VAPA: variants seen among roughly 807,000 people sequenced by gnomAD.
The protein encoded by VAPA is vesicle-associated membrane protein-associated protein A.
A neutral mutation model predicts 25.6 loss-of-function variants in VAPA; 6 were observed. That is an observed-to-expected ratio of 0.23 (90% CI 0.13 to 0.46). The LOEUF is 0.46. Ranked by LOEUF, VAPA falls within the 20% of genes least tolerant of loss-of-function variation. The pLI, the probability that VAPA is intolerant of heterozygous loss-of-function variation, is 0.99. For synonymous variants in VAPA, 112 were observed against 106.2 expected (o/e 1.05, Z -0.34); for missense variants, 244 against 302.1 (o/e 0.81, Z 1.43).
Position 9,914,147 on chromosome 18 carries a change from C to A in VAPA, c.-110C>A. On this transcript the variant is annotated 5_prime_UTR_variant, in exon 1 of 6. Transcript: ENST00000400000. ...GGCAGGCGTTAGGGCTCGGGAGCCG[C>A]GAGCCTGGCCTCGTCCTAGAGCTCG... 1 of 952,134 alleles carries A rather than the reference C, an allele frequency of 1.1e-6. No homozygotes were observed. The highest frequency in any genetic ancestry group is 1.5e-6 in the Non-Finnish European group (1 of 665,530). 59.0% of individuals were successfully genotyped at this position (952,134 alleles called of 1,614,324 possible). A position where few individuals can be genotyped will look rare whatever the true frequency, so the allele number is the denominator to read the frequency against.
intron 1 of VAPA, chr18:9,924,071 T>C (rs1373775182): frequency 1.3e-5 from 2 of 152,336 alleles, no homozygotes; most frequent in Non-Finnish European, 2.9e-5. Context: ...ATAAACTTTT[T>C]ATAGCTATGC....
At chr18:9,925,342 GGCTT>G (rs1261180531) in intron 1 of VAPA, among the ~76,000 whole-genome samples, 1 of 151,766 alleles carries the variant, frequency 6.6e-6, no homozygotes, top group Non-Finnish European at 1.5e-5. Context: ...AGCCCTTAGA[GGCTT>G]AAATAAAATA....
At chr18:9,933,527 T>C (rs548794366) in intron 2 of VAPA, among the ~76,000 whole-genome samples, 1 of 152,298 alleles carries the variant, frequency 6.6e-6, no homozygotes, top group African/African-American at 2.4e-5. Flanking sequence ...TTTAGCACAA[T>C]TGGAAGAAGA....
chr18:9,925,229 A>G (rs17732935), intron 1 of VAPA, among the ~76,000 whole-genome samples: 1,666 of 152,280 alleles, frequency 0.011, 53 homozygotes, highest in Admixed American at 0.063. Context: ...TGTTGATTGT[A>G]TAGTATGGAT....
At position 9,914,467 on chromosome 18, in the gene VAPA, C is replaced by T. The variant is rs989852493; in HGVS notation, c.79+132C>T. On this transcript the variant is annotated intron_variant, in intron 1 of 5. Coordinates refer to ENST00000400000, the MANE Select transcript of VAPA (RefSeq NM_194434.3). Reference sequence around the variant, plus strand: ...CCCTCCCCCACGCCCCGGCGCCTTCCCTTTCCCGGCTGCTTTCTTGCCGCC... The same window carrying T: ...CCCTCCCCCACGCCCCGGCGCCTTCTCTTTCCCGGCTGCTTTCTTGCCGCC... 1.9e-5 allele frequency: 14 copies of T among 721,726 alleles called. No homozygotes were observed. In the South Asian group the frequency reaches 3.4e-4, roughly 18 times the overall value. The allele number at this position is 721,726 out of a possible 1,614,324, so 44.7% of individuals were successfully genotyped here.
At chr18:9,928,182 C>T (rs548231279) in intron 1 of VAPA, among the ~76,000 whole-genome samples, 14 of 152,040 alleles carry the variant, frequency 9.2e-5, no homozygotes, top group Non-Finnish European at 1.8e-4. Flanking sequence ...TTTTAGAAAT[C>T]CTCTAAACCT....
At chr18:9,943,523 A>G (rs1298617037) in intron 4 of VAPA, among the ~76,000 whole-genome samples, 1 of 152,192 alleles carries the variant, frequency 6.6e-6, no homozygotes, top group African/African-American at 2.4e-5. Flanking sequence ...ACTGAAAGCC[A>G]TTGAGCCTGT....
In VAPA at chr18:9,956,190, C is replaced by T. The variant is rs1484291915; in HGVS notation, c.*1979C>T. ...TTACGAAGGTTAAGAGAACTTTCCC[C>T]GTGTCTCACAGGTAGGTAGAGGCAG... is the stretch of plus-strand genomic sequence containing the variant. On this transcript the variant is annotated 3_prime_UTR_variant, in exon 6 of 6. Coordinates refer to ENST00000400000, the MANE Select transcript of VAPA (RefSeq NM_194434.3). 2.0e-5 allele frequency: 3 copies of T among 152,124 alleles called. No homozygotes were observed. The highest frequency in any genetic ancestry group is 1.9e-4 in the East Asian group (1 of 5,190). 9.4% of individuals were successfully genotyped at this position (152,124 alleles called of 1,614,324 possible). A position where few individuals can be genotyped will look rare whatever the true frequency, so the allele number is the denominator to read the frequency against.
At chr18:9,929,380 T>A (rs1225889968) in intron 1 of VAPA, among the ~76,000 whole-genome samples, 1 of 152,106 alleles carries the variant, frequency 6.6e-6, no homozygotes, top group Non-Finnish European at 1.5e-5. Context: ...GAATATAACT[T>A]CTCTTTTTTG....
intron 1 of VAPA, 96 bp downstream of exon 1, chr18:9,914,431 G>T: frequency 9.0e-7 from 1 of 1,111,854 alleles, no homozygotes; most frequent in Non-Finnish European, 1.2e-6. Context: ...GCCCTGGCCC[G>T]AGGGAGCGCC....
intron 2 of VAPA, among the ~76,000 whole-genome samples, chr18:9,934,847 C>T (rs139662137): frequency 1.3e-5 from 2 of 152,236 alleles, no homozygotes; most frequent in East Asian, 3.9e-4. Flanking sequence ...GTAATCCCAG[C>T]ACTTTGGGAG....
At chr18:9,923,706 T>C (rs1176931467) in intron 1 of VAPA, among the ~76,000 whole-genome samples, 2 of 152,194 alleles carry the variant, frequency 1.3e-5, no homozygotes, top group South Asian at 2.1e-4. Flanking sequence ...GGTCTTGTTT[T>C]CTGAGTACTG....
intron 4 of VAPA, chr18:9,945,004 TCA>T (rs1567900213): frequency 6.2e-7 from 1 of 1,614,152 alleles, no homozygotes; most frequent in South Asian, 1.1e-5. Flanking sequence ...CTGCCAGTTA[TCA>T]CACGAAGGAT....
intron 1 of VAPA, among the ~76,000 whole-genome samples, chr18:9,920,576 G>A (rs1476951472): frequency 6.6e-6 from 1 of 152,246 alleles, no homozygotes; most frequent in African/African-American, 2.4e-5. Flanking sequence ...GGGATGACAG[G>A]CGTGAGCCAC....
intron 4 of VAPA, chr18:9,944,979 A>G (rs2069406621): frequency 2.5e-6 from 4 of 1,614,190 alleles, no homozygotes; most frequent in South Asian, 2.2e-5. Context: ...AGCATCAACA[A>G]CACAGTTGCA....
chr18:9,938,189 CTT>C (rs2069330334), intron 4 of VAPA, among the ~76,000 whole-genome samples: 1 of 151,938 alleles, frequency 6.6e-6, no homozygotes, highest in Admixed American at 6.6e-5. Flanking sequence ...TCTGGATTGA[CTT>C]TTTAAAAAAA....
chr18:9,954,642 A>G lies in VAPA; in HGVS notation c.*431A>G, dbSNP rs530781393. ...ACTCATTCAGGAAATGCCAAGAGGT[A>G]TTCCTTGGGGAAATGGTGCCTCTTA... On this transcript the variant is annotated 3_prime_UTR_variant, in exon 6 of 6. Transcript: ENST00000400000. The G allele has an allele frequency of 3.9e-5, 6 of 155,664 alleles. No homozygotes were observed. Among genetic ancestry groups the G allele is most frequent in the African/African-American group, 1.4e-4 (6 of 41,626 alleles). The allele number at this position is 155,664 out of a possible 1,614,324, so 9.6% of individuals were successfully genotyped here.
chr18:9,952,392 C>T (rs1239312668), intron 5 of VAPA, among the ~76,000 whole-genome samples: 2 of 151,874 alleles, frequency 1.3e-5, no homozygotes, highest in African/African-American at 2.4e-5. Flanking sequence ...CGTGGTGAAA[C>T]CCCGTCTCTA....
At chr18:9,919,363 G>C (rs1403285357) in intron 1 of VAPA, among the ~76,000 whole-genome samples, 3 of 152,064 alleles carry the variant, frequency 2.0e-5, no homozygotes, top group African/African-American at 7.2e-5. Flanking sequence ...GATTAGATTT[G>C]AGTATCTGCT....
Sources: allele counts gnomAD v4.1 joint callset (sites outside exome capture counted in the v4.1 genomes callset), GRCh38; gene constraint gnomAD v4.1.1; transcripts MANE v1.5; gene names NCBI Gene and HGNC (gene_info 2026-07-23, HGNC 2026-07-21).